FLT3: variants seen among roughly 807,000 people sequenced by gnomAD.
The protein encoded by FLT3 is receptor-type tyrosine-protein kinase FLT3.
A neutral mutation model predicts 126.6 loss-of-function variants in FLT3; 46 were observed. That is an observed-to-expected ratio of 0.36 (90% CI 0.29 to 0.46). The LOEUF (loss-of-function observed/expected upper bound fraction) is 0.46. FLT3 is among the 20% of genes least tolerant of loss of function. The pLI is 1.00. For missense variants in FLT3, 1,069 were observed against 1,190.3 expected (o/e 0.90, Z 1.50); for synonymous variants, 404 against 434.4 (o/e 0.93, Z 0.87).
At chr13:28,025,851 C>T (rs986002412) in intron 17 of FLT3, among the ~76,000 whole-genome samples, 8 of 152,086 alleles carry the variant, frequency 5.3e-5, no homozygotes, top group South Asian at 2.1e-4. Flanking sequence ...TGGGGATCTC[C>T]GTGGGGCCTG....
At chr13:28,054,668 C>T (rs1479411598) in intron 4 of FLT3, among the ~76,000 whole-genome samples, 1 of 152,192 alleles carries the variant, frequency 6.6e-6, no homozygotes, top group East Asian at 1.9e-4. Context: ...CAGGGACTGT[C>T]CTTCTTTAAA....
chr13:28,100,231 A>G lies in FLT3; in HGVS notation c.43+237T>C, dbSNP rs1395613914. Among the ~76,000 whole-genome samples the G allele has an allele frequency of 6.6e-6, 1 of 152,028 alleles. No individual in the cohort carries two copies. Among genetic ancestry groups the G allele is most frequent in the Non-Finnish European group, 1.5e-5 (1 of 67,994 alleles). On this transcript the variant is annotated intron_variant, in intron 1 of 23. Coordinates refer to ENST00000241453, the MANE Select transcript of FLT3 (RefSeq NM_004119.3). This position sits in a 1 kb window ranked among gnomAD's most constrained non-coding sequence, Gnocchi z 4.8. ...CACTCGGGACCGCGGCCCGAGCCAG[A>G]GGAGAGACTTCGGAGAAGAGGGAAG...
In FLT3 at chr13:28,070,549, AC is replaced by A. The variant is rs1484300709; in HGVS notation, c.106del (p.Val36PhefsTer2). Reference sequence around the variant, plus strand: ...ATCATTGTTCTTATGATTGATTAAAACACACTTGATCACAGGCAGATCTTGA... The same window carrying A: ...ATCATTGTTCTTATGATTGATTAAAAACACTTGATCACAGGCAGATCTTGA... ...TNQDLPVIKC[V>X]LINHKNNDSS... On this transcript the variant is annotated frameshift_variant, in exon 2 of 24. Coordinates refer to ENST00000241453, the MANE Select transcript of FLT3 (RefSeq NM_004119.3). LOFTEE classifies it high-confidence loss of function. 1 of 1,604,606 alleles carries A rather than the reference AC, an allele frequency of 6.2e-7. No individual in the cohort carries two copies. The highest frequency in any genetic ancestry group is 8.5e-7 in the Non-Finnish European group (1 of 1,171,748).
At chr13:28,082,420 G>A (rs1878386706) in intron 1 of FLT3, among the ~76,000 whole-genome samples, 1 of 151,964 alleles carries the variant, frequency 6.6e-6, no homozygotes, top group African/African-American at 2.4e-5. Flanking sequence ...GCCTCGTCCT[G>A]CCAAATCACT....
At chr13:28,011,793 CTTTT>C in intron 23 of FLT3, among the ~76,000 whole-genome samples, 1 of 126,494 alleles carries the variant, frequency 7.9e-6, no homozygotes, top group East Asian at 2.3e-4. Flanking sequence ...CTTTCTTTCT[CTTTT>C]TCTTTCTTTT....
chr13:28,063,746 A>T (rs1876774482), intron 2 of FLT3, among the ~76,000 whole-genome samples: 1 of 152,196 alleles, frequency 6.6e-6, no homozygotes, highest in Non-Finnish European at 1.5e-5. Flanking sequence ...TAGAAAAAAA[A>T]AAAAGACTAA....
intron 9 of FLT3, among the ~76,000 whole-genome samples, chr13:28,044,188 C>T (rs183495522): frequency 2.3e-4 from 35 of 149,186 alleles, no homozygotes; most frequent in African/African-American, 8.2e-4. Flanking sequence ...GTGGTTCATA[C>T]CTGTAATCCC....
intron 18 of FLT3, 75 bp from the exon 19 acceptor site, chr13:28,023,552 AT>A: frequency 6.5e-7 from 1 of 1,541,380 alleles, no homozygotes; most frequent in Non-Finnish European, 8.9e-7. Context: ...TGGGAAGGTT[AT>A]TCAAGCCAGA....
chr13:28,051,768 G>A (rs549680622), intron 5 of FLT3, among the ~76,000 whole-genome samples: 22 of 149,614 alleles, frequency 1.5e-4, no homozygotes, highest in African/African-American at 4.7e-4. Context: ...GGATGATCTC[G>A]ATCTCCTGAC....
chr13:28,044,066 C>A (rs1874637454), intron 9 of FLT3, among the ~76,000 whole-genome samples: 2 of 151,310 alleles, frequency 1.3e-5, no homozygotes, highest in East Asian at 3.9e-4. Context: ...TTAATCACCT[C>A]CGCCAGGAGG....
At chr13:28,079,253 C>A (rs926106601) in intron 1 of FLT3, among the ~76,000 whole-genome samples, 7 of 152,306 alleles carry the variant, frequency 4.6e-5, no homozygotes, top group African/African-American at 1.2e-4. Flanking sequence ...AGAGTCATCA[C>A]CTTTGCTCCA....
At chr13:28,008,276 A>C (rs1053552517) in intron 23 of FLT3, among the ~76,000 whole-genome samples, 2 of 12,196 alleles carry the variant, frequency 1.6e-4, no homozygotes, top group Non-Finnish European at 3.3e-4. Context: ...AACCTGTCTC[A>C]AAAAAAAAAA....
Position 28,050,122 on chromosome 13 carries a change from T to C in FLT3, c.715A>G (p.Arg239Gly), listed in dbSNP as rs1875302357. 2 of 1,614,166 alleles carry C rather than the reference T, an allele frequency of 1.2e-6. No homozygotes were observed. The highest frequency in any genetic ancestry group is 1.3e-5 in the African/African-American group (1 of 75,064). The change falls in exon 6 of 24, where the codon AGG (arginine) becomes GGG (glycine). Residue 239 changes from arginine (R) to glycine (G), a missense_variant. Physicochemically the swap from Arg to Gly is moderately radical, Grantham distance 125. Coordinates refer to ENST00000241453, the MANE Select transcript of FLT3 (RefSeq NM_004119.3). ...IRCCARNELG[R>G]ECTRLFTIDL... ...ATTGTGAACAGCCTGGTGCATTCCC[T>C]GCCCAGTTCATTTCTGGCACAGCAC...
At chr13:28,009,508 C>T (rs1871188739) in intron 23 of FLT3, 1 of 152,150 alleles carries the variant, frequency 6.6e-6, no homozygotes, top group South Asian at 2.1e-4. Flanking sequence ...ACAAAAAGAT[C>T]TCTTTCTTAC....
intron 23 of FLT3, among the ~76,000 whole-genome samples, chr13:28,007,249 T>C (rs929281043): frequency 1.3e-5 from 2 of 152,172 alleles, no homozygotes; most frequent in East Asian, 3.8e-4. Context: ...TATTTATTTG[T>C]GCTTTTTTCT....
chr13:28,010,195 C>G (rs1871240936), intron 23 of FLT3, among the ~76,000 whole-genome samples: 1 of 152,162 alleles, frequency 6.6e-6, no homozygotes, highest in Non-Finnish European at 1.5e-5. Flanking sequence ...AATGATGAAC[C>G]AAACAGATGT....
Position 28,035,601 on chromosome 13 carries a change from C to G in FLT3, c.1491G>C (p.Ser497=). The G allele has an allele frequency of 6.2e-7, 1 of 1,614,072 alleles. No individual in the cohort carries two copies. The highest frequency in any genetic ancestry group is 1.3e-5 in the African/African-American group (1 of 75,006). ...ANRKVFGQWV[S]SSTLNMSEAI... ...CTTCACTCATGTTTAGAGTACTGCTCGACACCCACTGTCCAAACACTTTTC... is the reference window on the plus strand; with the variant it reads ...CTTCACTCATGTTTAGAGTACTGCTGGACACCCACTGTCCAAACACTTTTC... Residue 497 remains serine, a synonymous_variant, in exon 12 of 24, where the codon TCG becomes TCC. Coordinates refer to ENST00000241453, the MANE Select transcript of FLT3 (RefSeq NM_004119.3).
chr13:28,030,277 C>A (rs1873201792), intron 15 of FLT3, among the ~76,000 whole-genome samples: 1 of 152,198 alleles, frequency 6.6e-6, no homozygotes, highest in Admixed American at 6.5e-5. Context: ...TCTTCAGCTT[C>A]ACGCTGGACA....
chr13:28,034,496 CTGTTTCAGTA>C, intron 12 of FLT3, 89 bp from the exon 13 acceptor site: 2 of 922,182 alleles, frequency 2.2e-6, no homozygotes, highest in Non-Finnish European at 3.5e-6. Flanking sequence ...CTCTCACATC[CTGTTTCAGTA>C]ATAATCATTT....
Sources: gnomAD v4.1 joint callset for allele counts (sites outside exome capture counted in the v4.1 genomes callset) on GRCh38, gnomAD v4.1.1 for gene constraint, Gnocchi (gnomAD v3.1) non-coding constraint, MANE v1.5 for transcripts, NCBI Gene and HGNC (gene_info 2026-07-23, HGNC 2026-07-21) for gene names.